PPP2R1A: variants seen among roughly 807,000 people sequenced by gnomAD.
The protein encoded by PPP2R1A is protein phosphatase 2 scaffold subunit Aalpha, also known as serine/threonine-protein phosphatase 2A 65 kDa regulatory subunit A alpha isoform.
Under a neutral mutation model 67.1 loss-of-function variants are expected in PPP2R1A, and 15 were observed. That is an observed-to-expected ratio of 0.22 (90% CI 0.15 to 0.34). PPP2R1A has a LOEUF of 0.34. PPP2R1A is among the 10% of genes least tolerant of loss of function. PPP2R1A has a pLI of 1.00. For synonymous variants in PPP2R1A, 337 were observed against 325.0 expected, an observed-to-expected ratio of 1.04 and a Z score of -0.40; for missense variants, 369 against 775.0, an observed-to-expected ratio of 0.48 and a Z score of 6.22.
intron 7 of PPP2R1A, 49 bp from the exon 8 acceptor site, chr19:52,215,955 C>G: frequency 6.2e-7 from 1 of 1,609,542 alleles, no homozygotes; most frequent in Non-Finnish European, 8.5e-7. Context: ...GGAGGTGGAA[C>G]TAGCACATCA....
At chr19:52,222,337 G>A in intron 13 of PPP2R1A, 96 bp downstream of exon 13, 1 of 1,473,918 alleles carries the variant, frequency 6.8e-7, no homozygotes, top group Non-Finnish European at 9.0e-7. Flanking sequence ...CAGAGGCCTG[G>A]CAGCGCTCCT....
At chr19:52,223,331 T>C (rs1979058817) in intron 13 of PPP2R1A, among the ~76,000 whole-genome samples, 1 of 152,216 alleles carries the variant, frequency 6.6e-6, no homozygotes, top group Admixed American at 6.5e-5. Context: ...AAATATCTTC[T>C]TGAGTTAGCG....
intron 3 of PPP2R1A, among the ~76,000 whole-genome samples, chr19:52,209,181 C>T (rs569533743): frequency 6.6e-6 from 1 of 152,312 alleles, no homozygotes; most frequent in African/African-American, 2.4e-5. Flanking sequence ...AATTACTGCT[C>T]AGCCTCTGTC....
At chr19:52,215,758 C>G (rs874421) in intron 6 of PPP2R1A, 21 bp from the exon 7 acceptor site, 112,495 of 1,604,280 alleles carry the variant, frequency 0.07, 4,169 homozygotes, top group Non-Finnish European at 0.075. Context: ...TCACTCTCCC[C>G]CTCCTCCTTC....
intron 1 of PPP2R1A, among the ~76,000 whole-genome samples, chr19:52,196,517 TC>T (rs1288791940): frequency 6.6e-6 from 1 of 152,196 alleles, no homozygotes; most frequent in African/African-American, 2.4e-5. Flanking sequence ...CTTTCCCTCC[TC>T]CCTTTTATGA....
In PPP2R1A at chr19:52,214,415, C is replaced by T. The variant is rs986071533; in HGVS notation, c.807+1305C>T. Among the ~76,000 whole-genome samples the T allele has an allele frequency of 2.0e-5, 3 of 152,142 alleles. No individual in the cohort carries two copies. In the East Asian group the frequency reaches 5.8e-4, roughly 29 times the overall value. On this transcript the variant is annotated intron_variant, in intron 6 of 14. Transcript: ENST00000322088. Reference sequence around the variant, plus strand: ...CACCACAGTTAGGGAAGGTTCTTCCCATCCTTGTCTCCTGAGCTGCATAAA... The same window carrying T: ...CACCACAGTTAGGGAAGGTTCTTCCTATCCTTGTCTCCTGAGCTGCATAAA...
chr19:52,215,703 C>T (rs1327003621), intron 6 of PPP2R1A, 76 bp from the exon 7 acceptor site: 4 of 1,247,664 alleles, frequency 3.2e-6, no homozygotes, highest in Non-Finnish European at 4.7e-6. Context: ...GGTGCCTTCA[C>T]TTTGATTTTG....
At chr19:52,191,128 T>TG (rs1342498249) in intron 1 of PPP2R1A, 1 of 152,318 alleles carries the variant, frequency 6.6e-6, no homozygotes, top group Non-Finnish European at 1.5e-5. Context: ...CCCAAAGTGT[T>TG]GGAATTACAG....
At chr19:52,221,992 C>A in intron 12 of PPP2R1A, 107 bp from the exon 13 acceptor site, 2 of 1,195,964 alleles carry the variant, frequency 1.7e-6, no homozygotes, top group Non-Finnish European at 2.3e-6. Context: ...TATTGCTCAG[C>A]CTCTGTGGGG....
intron 12 of PPP2R1A, among the ~76,000 whole-genome samples, chr19:52,221,381 T>G (rs1482624045): frequency 6.6e-6 from 1 of 152,156 alleles, no homozygotes; most frequent in Non-Finnish European, 1.5e-5. Context: ...AGACTTGACC[T>G]GTTGGAGCAG....
At chr19:52,202,418 A>G (rs1226006290) in intron 2 of PPP2R1A, among the ~76,000 whole-genome samples, 6 of 152,250 alleles carry the variant, frequency 3.9e-5, no homozygotes, top group African/African-American at 1.4e-4. Flanking sequence ...TACTTATGAT[A>G]TGCTTACTGT....
At chr19:52,190,859 A>G (rs2089447633) in intron 1 of PPP2R1A, among the ~76,000 whole-genome samples, 1 of 151,902 alleles carries the variant, frequency 6.6e-6, no homozygotes, top group South Asian at 2.1e-4. Flanking sequence ...ATGAACATTT[A>G]TTTATTTCTT....
chr19:52,220,080 A>C, intron 10 of PPP2R1A, 109 bp from the exon 11 acceptor site: 1 of 1,325,208 alleles, frequency 7.5e-7, no homozygotes, highest in Non-Finnish European at 1.1e-6. Context: ...AAAGTTGAGA[A>C]GTGTCCGGTC....
chr19:52,198,794 G>A (rs529202840), intron 1 of PPP2R1A, among the ~76,000 whole-genome samples: 24 of 152,248 alleles, frequency 1.6e-4, no homozygotes, highest in African/African-American at 4.8e-4. Context: ...CTGTGCATCA[G>A]TGTCCTCACT....
chr19:52,225,701 T>G lies in PPP2R1A; in HGVS notation c.1662-16T>G. 1 of 1,612,296 alleles carries G rather than the reference T, an allele frequency of 6.2e-7. No individual in the cohort carries two copies. On this transcript the variant is annotated splice_polypyrimidine_tract_variant and intron_variant, in intron 13 of 14. Transcript: ENST00000322088. ...CTGGCTCACCCTCTCTCTCCCTGTC[T>G]CCTTTCGCTTTCCAGCACCTTGCAG...
At chr19:52,199,570 T>G (rs2089527713) in intron 1 of PPP2R1A, among the ~76,000 whole-genome samples, 1 of 152,240 alleles carries the variant, frequency 6.6e-6, no homozygotes, top group African/African-American at 2.4e-5. Flanking sequence ...TTCAGCCCAC[T>G]GTCTGCTTTT....
rs1418733168 is a variant in PPP2R1A, at chr19:52,226,329, A to T, written c.*348A>T. The T allele has an allele frequency of 2.6e-6, 1 of 391,462 alleles. No homozygotes were observed. The highest frequency in any genetic ancestry group is 4.6e-6 in the Non-Finnish European group (1 of 218,170). 24.2% of individuals were successfully genotyped at this position (391,462 alleles called of 1,614,324 possible). A position where few individuals can be genotyped will look rare whatever the true frequency, so the allele number is the denominator to read the frequency against. ...TTCTCCACCTCCCGTCCTCCCCATC[A>T]TTGGTTTTTTTTTGTGTGTCAACTG... On this transcript the variant is annotated 3_prime_UTR_variant, in exon 15 of 15. Transcript: ENST00000322088.
chr19:52,208,808 T>A (rs934717719), intron 3 of PPP2R1A, among the ~76,000 whole-genome samples: 1 of 152,240 alleles, frequency 6.6e-6, no homozygotes, highest in Non-Finnish European at 1.5e-5. Context: ...CAGCAGTTCC[T>A]AACTCTTTTG....
In PPP2R1A at chr19:52,219,179, C is replaced by T. The variant is rs560842996; in HGVS notation, c.1129-512C>T. Among the ~76,000 whole-genome samples, 54 of 152,346 alleles carry T rather than the reference C, an allele frequency of 3.5e-4. No individual in the cohort carries two copies. Among genetic ancestry groups the T allele is most frequent in the African/African-American group, 1.2e-3 (51 of 41,578 alleles). ...GAGCTGGGCAAGGGCCAGTCCTATC[C>T]TCGGAATGTGCAGGGTTTCAACAGC... On this transcript the variant is annotated intron_variant, in intron 9 of 14. Coordinates refer to ENST00000322088, the MANE Select transcript of PPP2R1A (RefSeq NM_014225.6). The surrounding 1 kb of genome is among the most constrained non-coding windows in gnomAD (Gnocchi z 4.0).
Sources: gnomAD v4.1 joint callset for allele counts (sites outside exome capture counted in the v4.1 genomes callset) on GRCh38, gnomAD v4.1.1 for gene constraint, Gnocchi (gnomAD v3.1) non-coding constraint, MANE v1.5 for transcripts, NCBI Gene and HGNC (gene_info 2026-07-23, HGNC 2026-07-21) for gene names.